The following EFHC1 variants were observed in gnomAD, a reference collection of about 807,000 sequenced individuals.
EFHC1 encodes EF-hand domain-containing protein 1.
A neutral mutation model predicts 69.9 loss-of-function variants in EFHC1; 53 were observed. The ratio of observed to expected loss-of-function variants is 0.76; its 90% CI spans 0.61 to 0.95. The LOEUF (loss-of-function observed/expected upper bound fraction) is 0.95. EFHC1 is among the 40% of genes least tolerant of loss of function. The pLI, the probability that EFHC1 is intolerant of heterozygous loss-of-function variation, is 0.00. For synonymous variants in EFHC1, 256 were observed against 278.4 expected (o/e 0.92, Z 0.80); for missense variants, 739 against 798.7 (o/e 0.93, Z 0.90).
At chr6:52,472,116 A>G (rs1164436498) in intron 7 of EFHC1, among the ~76,000 whole-genome samples, 1 of 150,340 alleles carries the variant, frequency 6.7e-6, no homozygotes, top group Non-Finnish European at 1.5e-5. Flanking sequence ...AAACTCGCAT[A>G]TACCCCTGAA....
chr6:52,472,609 A>T (rs968333120), intron 7 of EFHC1, among the ~76,000 whole-genome samples: 17 of 152,220 alleles, frequency 1.1e-4, no homozygotes, highest in Admixed American at 6.5e-4. Flanking sequence ...TACAAAAGAT[A>T]TGTAACACCT....
chr6:52,477,606 G>A (rs937482889), intron 7 of EFHC1, among the ~76,000 whole-genome samples: 23 of 152,322 alleles, frequency 1.5e-4, no homozygotes, highest in East Asian at 1.9e-4. Flanking sequence ...CCATCAAAAA[G>A]TGGGCAAAGG....
intron 6 of EFHC1, among the ~76,000 whole-genome samples, chr6:52,465,363 T>C (rs1469409241): frequency 6.6e-6 from 1 of 152,178 alleles, no homozygotes; most frequent in African/African-American, 2.4e-5. Flanking sequence ...AGATTCATGA[T>C]ATCCAGTGTT....
chr6:52,490,176 G>C lies in EFHC1; in HGVS notation c.1677G>C (p.Leu559Phe). ...QTEKDPGVQE[L>F]EALIDTIQKQ... ...AAAAGGATCCAGGCGTGCAGGAATT[G>C]GAAGCATTAATAGACACAATTCAGA... The change falls in exon 10 of 11, where the codon TTG becomes TTC. Residue 559 changes from leucine (L) to phenylalanine (F), a missense_variant. Transcript: ENST00000371068. The C allele has an allele frequency of 6.2e-7, 1 of 1,613,994 alleles. No individual in the cohort carries two copies.
At chr6:52,462,326 AC>A (rs1235682873) in intron 5 of EFHC1, among the ~76,000 whole-genome samples, 4 of 152,006 alleles carry the variant, frequency 2.6e-5, no homozygotes, top group Admixed American at 1.3e-4. Context: ...TTAAATGCTT[AC>A]TTAAGAAAGA....
intron 7 of EFHC1, among the ~76,000 whole-genome samples, chr6:52,471,740 C>A (rs1256824646): frequency 1.3e-5 from 2 of 152,008 alleles, no homozygotes; most frequent in Non-Finnish European, 2.9e-5. Context: ...TGGTGGCATG[C>A]ACCTGTAATC....
At chr6:52,452,518 T>G (rs989364701) in intron 3 of EFHC1, among the ~76,000 whole-genome samples, 170 bp from the exon 4 acceptor site, 1 of 152,168 alleles carries the variant, frequency 6.6e-6, no homozygotes, top group African/African-American at 2.4e-5. Flanking sequence ...CTCAGGCTGA[T>G]TGTGAACTCC....
At chr6:52,470,516 C>G (rs1417520638) in intron 7 of EFHC1, among the ~76,000 whole-genome samples, 1 of 152,194 alleles carries the variant, frequency 6.6e-6, no homozygotes, top group Non-Finnish European at 1.5e-5. Flanking sequence ...TATTTCTGCA[C>G]ACATTATCCA....
chr6:52,443,183 A>C (rs562052076), intron 3 of EFHC1, among the ~76,000 whole-genome samples: 1 of 152,284 alleles, frequency 6.6e-6, no homozygotes, highest in East Asian at 1.9e-4. Context: ...GATTCTGGAT[A>C]TTAGCCCTTT....
intron 3 of EFHC1, among the ~76,000 whole-genome samples, chr6:52,447,628 T>A (rs1764817227): frequency 6.6e-6 from 1 of 152,248 alleles, no homozygotes; most frequent in East Asian, 1.9e-4. Flanking sequence ...GCTGCGTTCC[T>A]TTGGAGGAGA....
In EFHC1 at chr6:52,490,338, C is replaced by T. The variant is rs766028677; in HGVS notation, c.1839C>T (p.Ser613=). The T allele has an allele frequency of 6.2e-7, 1 of 1,613,952 alleles. No individual in the cohort carries two copies. Among genetic ancestry groups the T allele is most frequent in the East Asian group, 2.2e-5 (1 of 44,888 alleles). ...CGCTTAACGTCCCAGTGGATGACTCCTTGGTTAAGGAGGTCAGTATGAATT... is the reference window on the plus strand; with the variant it reads ...CGCTTAACGTCCCAGTGGATGACTCTTTGGTTAAGGAGGTCAGTATGAATT... The part of the protein sequence containing the change: ...CESLNVPVDD[S]LVKELIRMCS... The change falls in exon 10 of 11, where the codon TCC becomes TCT. Residue 613 remains serine (S), a synonymous_variant. Transcript: ENST00000371068.
In EFHC1 at chr6:52,495,006, G is replaced by T. The variant is rs1430938326; in HGVS notation, c.*2665G>T. On this transcript the variant is annotated 3_prime_UTR_variant, in exon 11 of 11. Coordinates refer to ENST00000371068, the MANE Select transcript of EFHC1 (RefSeq NM_018100.4). ...AGAGCCCCGTTTTGGTGAGTTCTTA[G>T]AACTCTTTCCAACCGGAAACTGCCC... is the stretch of plus-strand genomic sequence containing the variant. 12 of 454,026 alleles carry T rather than the reference G, an allele frequency of 2.6e-5. No individual in the cohort carries two copies. The highest frequency in any genetic ancestry group is 5.3e-5 in the Non-Finnish European group (12 of 226,768). The allele number at this position is 454,026 out of a possible 1,614,324, so 28.1% of individuals were successfully genotyped here. A position where few individuals can be genotyped will look rare whatever the true frequency, so the allele number is the denominator to read the frequency against.
intron 9 of EFHC1, 155 bp downstream of exon 9, chr6:52,479,942 A>G: frequency 8.4e-7 from 1 of 1,185,764 alleles, no homozygotes; most frequent in South Asian, 1.4e-5. Context: ...TCAATGTAAT[A>G]GCTAGTAACT....
At chr6:52,461,151 T>C (rs538914318) in intron 5 of EFHC1, among the ~76,000 whole-genome samples, 1 of 152,114 alleles carries the variant, frequency 6.6e-6, no homozygotes, top group African/African-American at 2.4e-5. Context: ...GCAGGTTTGT[T>C]GTACATTTTG....
At chr6:52,491,240 T>C (rs1358109157) in intron 10 of EFHC1, among the ~76,000 whole-genome samples, 1 of 152,200 alleles carries the variant, frequency 6.6e-6, no homozygotes, top group East Asian at 1.9e-4. Context: ...TGCCCAACTT[T>C]TGATTTTCAA....
Position 52,492,444 on chromosome 6 carries a change from A to G in EFHC1, c.*103A>G, listed in dbSNP as rs753029129. ...GCATTTACAGGGTTCCTGAAGTTTTATTTCTGTTTTGGTTCTTCTTTCACT... is the reference window on the plus strand; with the variant it reads ...GCATTTACAGGGTTCCTGAAGTTTTGTTTCTGTTTTGGTTCTTCTTTCACT... On this transcript the variant is annotated 3_prime_UTR_variant, in exon 11 of 11. Transcript: ENST00000371068. The G allele has an allele frequency of 2.4e-6, 3 of 1,233,640 alleles. No individual in the cohort carries two copies. Among genetic ancestry groups the G allele is most frequent in the South Asian group, 1.3e-5 (1 of 79,870 alleles). The allele number at this position is 1,233,640 out of a possible 1,614,324, so 76.4% of individuals were successfully genotyped here. A position where few individuals can be genotyped will look rare whatever the true frequency, so the allele number is the denominator to read the frequency against.
Position 52,454,076 on chromosome 6 carries a change from T to G in EFHC1, c.724-19T>G. On this transcript the variant is annotated intron_variant, in intron 4 of 10. Transcript: ENST00000371068. Reference sequence around the variant, plus strand: ...CCTACTTTTAGGATTCTTGAGTCACTACTTTGGATTCTTCAAAGGTCCTTC... The same window carrying G: ...CCTACTTTTAGGATTCTTGAGTCACGACTTTGGATTCTTCAAAGGTCCTTC... 6.2e-7 allele frequency: 1 copy of G among 1,612,412 alleles called. No homozygotes were observed. The highest frequency in any genetic ancestry group is 1.1e-5 in the South Asian group (1 of 90,858).
rs1764583682 is a variant in EFHC1 at position 52,438,443 on chromosome 6, G to C, written c.425G>C (p.Gly142Ala). The C allele has an allele frequency of 6.2e-7, 1 of 1,614,052 alleles. No individual in the cohort carries two copies. Among genetic ancestry groups the C allele is most frequent in the Non-Finnish European group, 8.5e-7 (1 of 1,179,990 alleles). The change falls in exon 3 of 11, where the codon GGA (glycine) becomes GCA (alanine). Residue 142 changes from glycine to alanine, a missense_variant. Transcript: ENST00000371068. Reference sequence around the variant, plus strand: ...ATAGAGCCTGTTGTAGAAAATTCTGGAATCCTTCAAGGCAAGTTAATAAAA... The same window carrying C: ...ATAGAGCCTGTTGTAGAAAATTCTGCAATCCTTCAAGGCAAGTTAATAAAA... ...SVIEPVVENS[G>A]ILQGKLIKRQ...
Position 52,471,059 on chromosome 6 carries a change from T to G in EFHC1, c.1278+1586T>G, listed in dbSNP as rs60518098. Among the ~76,000 whole-genome samples the G allele has an allele frequency of 7.2e-3, 1,090 of 152,326 alleles. 20 individuals are homozygous for G. The highest frequency in any genetic ancestry group is 0.025 in the African/African-American group (1,027 of 41,566). ...TGAAGGTGCTGGACAACTAGCAAGA[T>G]GTGAAGAATCACAGAGCAAGAACCA... is the stretch of plus-strand genomic sequence containing the variant. On this transcript the variant is annotated intron_variant, in intron 7 of 10. Transcript: ENST00000371068.
Sources: allele counts gnomAD v4.1 joint callset (sites outside exome capture counted in the v4.1 genomes callset), GRCh38; gene constraint gnomAD v4.1.1; transcripts MANE v1.5; gene names NCBI Gene and HGNC (gene_info 2026-07-23, HGNC 2026-07-21).